The following FAM240B variants were observed in gnomAD, a reference collection of about 807,000 sequenced individuals.
FAM240B encodes protein FAM240B.
At chr9:38,695,842 T>C (rs890019920) in intron 2 of FAM240B, among the ~76,000 whole-genome samples, 3 of 152,154 alleles carry the variant, frequency 2.0e-5, no homozygotes, top group African/African-American at 7.2e-5. Context: ...AACAAACAAA[T>C]AGATTATTAG....
chr9:38,708,968 T>A (rs10120311), intron 1 of FAM240B, among the ~76,000 whole-genome samples: 36,299 of 151,994 alleles, frequency 0.24, 4,446 homozygotes, highest in African/African-American at 0.27. Flanking sequence ...CCACGTCCAG[T>A]GAAGCCTTTA....
At chr9:38,713,481 CAAA>C (rs77404875) in intron 1 of FAM240B, among the ~76,000 whole-genome samples, 11 of 83,594 alleles carry the variant, frequency 1.3e-4, no homozygotes, top group South Asian at 5.9e-4. Flanking sequence ...CCGTTTCAAA[CAAA>C]AAAAAAAAAA....
intron 1 of FAM240B, among the ~76,000 whole-genome samples, chr9:38,711,650 T>C (rs10973990): frequency 7.2e-6 from 1 of 139,572 alleles, no homozygotes; most frequent in Non-Finnish European, 1.6e-5. Flanking sequence ...TCCCTCTCTC[T>C]TTCTTCTTCT....
At chr9:38,698,097 C>T (rs1458285082) in intron 2 of FAM240B, among the ~76,000 whole-genome samples, 1 of 152,096 alleles carries the variant, frequency 6.6e-6, no homozygotes, top group Non-Finnish European at 1.5e-5. Flanking sequence ...ACCTAAAAAG[C>T]CAAAAATATT....
At chr9:38,713,481 CAAAAAAAAAAAAA>C (rs77404875) in intron 1 of FAM240B, among the ~76,000 whole-genome samples, 26 of 83,598 alleles carry the variant, frequency 3.1e-4, no homozygotes, top group Admixed American at 1.8e-3. Flanking sequence ...CCGTTTCAAA[CAAAAAAAAAAAAA>C]AAAAAAAAAA....
chr9:38,710,725 C>G (rs10814741), intron 1 of FAM240B, among the ~76,000 whole-genome samples: 1 of 152,106 alleles, frequency 6.6e-6, no homozygotes. Flanking sequence ...TCTTTGCCTA[C>G]TGGCTGGTGG....
chr9:38,705,942 C>T (rs1050131144), intron 1 of FAM240B, among the ~76,000 whole-genome samples: 4 of 152,012 alleles, frequency 2.6e-5, no homozygotes, highest in African/African-American at 4.8e-5. Flanking sequence ...GTGGTGGCAG[C>T]GAGGCAGGTC....
chr9:38,705,861 A>G (rs1022569390), intron 1 of FAM240B, among the ~76,000 whole-genome samples: 2 of 152,142 alleles, frequency 1.3e-5, no homozygotes, highest in African/African-American at 4.8e-5. Context: ...TCCTGGACCC[A>G]TCTTCCAATC....
intron 1 of FAM240B, among the ~76,000 whole-genome samples, chr9:38,708,087 G>T (rs1357755787): frequency 6.6e-6 from 1 of 152,068 alleles, no homozygotes. Flanking sequence ...ATTCCAAAAG[G>T]GTCCAACACC....
chr9:38,703,604 G>A (rs1054593403), intron 2 of FAM240B, among the ~76,000 whole-genome samples: 1 of 152,198 alleles, frequency 6.6e-6, no homozygotes, highest in African/African-American at 2.4e-5. Context: ...GGCCCTGTGG[G>A]ACATGCATGT....
At chr9:38,705,664 T>C (rs1440911335) in intron 1 of FAM240B, 4 of 152,064 alleles carry the variant, frequency 2.6e-5, no homozygotes, top group African/African-American at 4.8e-5. Context: ...GAATAATTTG[T>C]ATTTTATTTG....
intron 2 of FAM240B, among the ~76,000 whole-genome samples, chr9:38,700,901 T>C (rs117683292): frequency 0.013 from 1,914 of 152,312 alleles, 30 homozygotes; most frequent in Non-Finnish European, 0.016. Flanking sequence ...TCTGAGTCAC[T>C]GAACCCACAG....
At chr9:38,701,279 C>T (rs10511951) in intron 2 of FAM240B, among the ~76,000 whole-genome samples, 8,353 of 152,146 alleles carry the variant, frequency 0.055, 320 homozygotes, top group Non-Finnish European at 0.086. Context: ...TCTGCAAGTA[C>T]ACGTTGGGAG....
intron 1 of FAM240B, among the ~76,000 whole-genome samples, chr9:38,717,303 G>A (rs529129161): frequency 2.0e-5 from 3 of 152,112 alleles, no homozygotes; most frequent in Admixed American, 6.5e-5. Flanking sequence ...AGTTTTGGCC[G>A]GGCGCAGTGG....
chr9:38,694,599 G>T lies in FAM240B; in HGVS notation c.*177C>A, dbSNP rs549361183. On this transcript the variant is annotated 3_prime_UTR_variant, in exon 3 of 3. Transcript: ENST00000637493. ...TCCTGTCCTCTGTGCGGAGGGGATT[G>T]AGCAGGATAATAACTCCCATTAGCA... 2.5e-6 allele frequency: 1 copy of T among 392,592 alleles called. No homozygotes were observed. Among genetic ancestry groups the T allele is most frequent in the South Asian group, 1.4e-4 (1 of 6,958 alleles). The allele number at this position is 392,592 out of a possible 1,614,324, so 24.3% of individuals were successfully genotyped here.
intron 2 of FAM240B, among the ~76,000 whole-genome samples, chr9:38,697,284 G>A (rs978848465): frequency 2.0e-5 from 3 of 152,134 alleles, no homozygotes; most frequent in African/African-American, 7.2e-5. Context: ...CTTCTTGCAG[G>A]CTGCTCTAAG....
chr9:38,709,083 A>G (rs1242067737), intron 1 of FAM240B, among the ~76,000 whole-genome samples: 1 of 151,898 alleles, frequency 6.6e-6, no homozygotes, highest in African/African-American at 2.4e-5. Flanking sequence ...GTGATGCTGA[A>G]CATGTTTAAG....
chr9:38,706,665 T>G (rs1821194308), intron 1 of FAM240B, among the ~76,000 whole-genome samples: 1 of 152,200 alleles, frequency 6.6e-6, no homozygotes, highest in South Asian at 2.1e-4. Flanking sequence ...CCTTCTGCAG[T>G]CTGCCAGGCT....
chr9:38,717,684 G>A (rs867507732), intron 1 of FAM240B, among the ~76,000 whole-genome samples: 31 of 151,764 alleles, frequency 2.0e-4, no homozygotes, highest in Admixed American at 3.3e-4. Context: ...GGGTTTCACC[G>A]TGTTAGCCAG....
Sources: gnomAD v4.1 joint callset for allele counts (sites outside exome capture counted in the v4.1 genomes callset) on GRCh38, gnomAD v4.1.1 for gene constraint, MANE v1.5 for transcripts, NCBI Gene and HGNC (gene_info 2026-07-23, HGNC 2026-07-21) for gene names.